Variants in NRG3 observed in about 807,000 individuals in gnomAD.
NRG3 encodes the protein pro-neuregulin-3, membrane-bound isoform.
In NRG3, 31 loss-of-function variants were observed where a neutral mutation model predicts 66.9. The ratio of observed to expected loss-of-function variants is 0.46; its 90% CI spans 0.35 to 0.63. NRG3 has a LOEUF of 0.63. Among genes scored for constraint, NRG3 ranks in the 20% least tolerant of loss-of-function variants. NRG3 has a pLI of 0.00. For missense variants in NRG3, 910 were observed against 878.9 expected (o/e 1.04, Z -0.45); for synonymous variants, 393 against 359.4 (o/e 1.09, Z -1.06).
chr10:82,410,798 A>G (rs967139377), intron 2 of NRG3, among the ~76,000 whole-genome samples: 5 of 152,182 alleles, frequency 3.3e-5, no homozygotes. Flanking sequence ...TATCAATTCC[A>G]AAATTAATAT....
intron 3 of NRG3, among the ~76,000 whole-genome samples, chr10:82,822,559 A>G (rs1342400316): frequency 6.6e-6 from 1 of 152,172 alleles, no homozygotes; most frequent in Non-Finnish European, 1.5e-5. Flanking sequence ...TGTGATTTCT[A>G]GAGGTGGCCT....
chr10:82,032,391 TTTGTTG>T (rs142925186), intron 1 of NRG3, among the ~76,000 whole-genome samples: 2 of 150,578 alleles, frequency 1.3e-5, no homozygotes, highest in Non-Finnish European at 3.0e-5. Context: ...TGGTTCCTGG[TTTGTTG>T]TTGTTGTTGT....
chr10:82,781,283 A>G (rs972282813), intron 3 of NRG3, among the ~76,000 whole-genome samples: 5 of 152,186 alleles, frequency 3.3e-5, no homozygotes, highest in African/African-American at 1.2e-4. Context: ...CTGCCTTTCA[A>G]GGGTATCTTT....
intron 1 of NRG3, among the ~76,000 whole-genome samples, chr10:81,984,126 G>T (rs965942106): frequency 9.9e-5 from 15 of 152,106 alleles, no homozygotes; most frequent in African/African-American, 3.6e-4. Context: ...AAAGTCCCCA[G>T]AAAGAATCAA....
chr10:82,817,653 A>T (rs1222452836), intron 3 of NRG3, among the ~76,000 whole-genome samples: 1 of 152,210 alleles, frequency 6.6e-6, no homozygotes, highest in Non-Finnish European at 1.5e-5. Flanking sequence ...GACTAAATGG[A>T]TGAAAAGAGC....
At chr10:82,908,773 A>G (rs542310006) in intron 4 of NRG3, among the ~76,000 whole-genome samples, 2 of 152,320 alleles carry the variant, frequency 1.3e-5, no homozygotes, top group Non-Finnish European at 2.9e-5. Context: ...CCATCCCTAG[A>G]TGCTCTCTGT....
intron 1 of NRG3, among the ~76,000 whole-genome samples, chr10:82,176,471 T>C (rs933124540): frequency 6.6e-6 from 1 of 152,116 alleles, no homozygotes; most frequent in Non-Finnish European, 1.5e-5. Flanking sequence ...GAGATAGAAA[T>C]GCATGCTTGC....
chr10:82,048,275 C>G (rs2133096560), intron 1 of NRG3, among the ~76,000 whole-genome samples: 1 of 152,016 alleles, frequency 6.6e-6, no homozygotes, highest in South Asian at 2.1e-4. Context: ...GAACTCTCCA[C>G]CCCAAATCAA....
intron 1 of NRG3, among the ~76,000 whole-genome samples, chr10:82,068,431 G>A (rs2064613538): frequency 6.6e-6 from 1 of 152,312 alleles, no homozygotes; most frequent in East Asian, 1.9e-4. Context: ...GATAGGCTCT[G>A]TATTAGGTAC....
chr10:81,923,615 A>T (rs1846479722), intron 1 of NRG3, among the ~76,000 whole-genome samples: 1 of 152,088 alleles, frequency 6.6e-6, no homozygotes, highest in Non-Finnish European at 1.5e-5. Flanking sequence ...CCACACTCCT[A>T]AGAGACACTT....
At chr10:82,926,570 G>A (rs1213906729) in intron 4 of NRG3, among the ~76,000 whole-genome samples, 2 of 152,174 alleles carry the variant, frequency 1.3e-5, no homozygotes, top group Admixed American at 6.5e-5. Context: ...CTCTGGGTGA[G>A]CCATCTTGTC....
At chr10:82,177,393 G>T (rs1373085903) in intron 1 of NRG3, among the ~76,000 whole-genome samples, 1 of 152,048 alleles carries the variant, frequency 6.6e-6, no homozygotes, top group East Asian at 1.9e-4. Context: ...ATTTTTAAAA[G>T]AAAAGGTTAC....
At chr10:82,315,091 G>A (rs2081226596) in intron 1 of NRG3, among the ~76,000 whole-genome samples, 1 of 152,084 alleles carries the variant, frequency 6.6e-6, no homozygotes, top group African/African-American at 2.4e-5. Flanking sequence ...TCAGCATAAT[G>A]CAATTTCCAT....
chr10:82,596,355 G>A (rs1565109167), intron 2 of NRG3, among the ~76,000 whole-genome samples: 2 of 152,356 alleles, frequency 1.3e-5, no homozygotes, highest in African/African-American at 4.8e-5. Context: ...ATTCGTTGCA[G>A]ATAATAATGA....
At chr10:82,980,662 T>C (rs1015397988) in intron 8 of NRG3, among the ~76,000 whole-genome samples, 2 of 152,180 alleles carry the variant, frequency 1.3e-5, no homozygotes, top group African/African-American at 4.8e-5. Context: ...TAAGGAAAAC[T>C]GGAAGATAGG....
At position 82,611,124 on chromosome 10, in the gene NRG3, A is replaced by G. The variant is rs547901833; in HGVS notation, c.954-127453A>G. ...GTCATCTCCATAATAAATGATGAAC[A>G]TACTTTAACTGTAACACTGGCAGAT... On this transcript the variant is annotated intron_variant, in intron 2 of 8. Transcript: ENST00000372141. Among the ~76,000 whole-genome samples the G allele has an allele frequency of 2.6e-5, 4 of 152,214 alleles. No homozygotes were observed. The South Asian group carries it at 8.3e-4, about 32-fold the overall frequency.
chr10:82,548,523 T>TCA (rs59459683), intron 2 of NRG3, among the ~76,000 whole-genome samples: 4,848 of 139,486 alleles, frequency 0.035, 107 homozygotes, highest in South Asian at 0.055. Context: ...ATTCTGTCTC[T>TCA]CACACACACA....
intron 2 of NRG3, among the ~76,000 whole-genome samples, chr10:82,406,018 A>G (rs1159624112): frequency 1.3e-5 from 2 of 152,170 alleles, no homozygotes; most frequent in Non-Finnish European, 2.9e-5. Context: ...GTCAAAAGGC[A>G]TGGAGATAGA....
At chr10:82,799,582 T>C (rs573304477) in intron 3 of NRG3, among the ~76,000 whole-genome samples, 1 of 149,806 alleles carries the variant, frequency 6.7e-6, no homozygotes, top group Non-Finnish European at 1.5e-5. Flanking sequence ...CTCTAGAAAC[T>C]GGAGTATTAT....
Sources: gnomAD v4.1 joint callset for allele counts (sites outside exome capture counted in the v4.1 genomes callset) on GRCh38, gnomAD v4.1.1 for gene constraint, MANE v1.5 for transcripts, NCBI Gene and HGNC (gene_info 2026-07-23, HGNC 2026-07-21) for gene names.